Variants in MACF1 observed in about 807,000 individuals in gnomAD.
MACF1 encodes microtubule actin crosslinking factor 1, also known as microtubule-actin cross-linking factor 1.
Under a neutral mutation model 854.8 loss-of-function variants are expected in MACF1, and 193 were observed. That is an observed-to-expected ratio of 0.23 (90% CI 0.20 to 0.25). MACF1 has a LOEUF of 0.25. Among genes scored for constraint, MACF1 ranks in the 10% least tolerant of loss-of-function variants. The pLI, the probability that MACF1 is intolerant of heterozygous loss-of-function variation, is 1.00. For synonymous variants in MACF1, 3,185 were observed against 3,226.7 expected, an observed-to-expected ratio of 0.99 and a Z score of 0.44; for missense variants, 7,722 against 8,929.1, an observed-to-expected ratio of 0.86 and a Z score of 5.45.
intron 44 of MACF1, among the ~76,000 whole-genome samples, chr1:39,354,558 C>T (rs1414048588): frequency 1.3e-5 from 2 of 152,170 alleles, no homozygotes; most frequent in Non-Finnish European, 2.9e-5. Context: ...GCATGTGCCA[C>T]CATGCCTAGC....
At chr1:39,299,883 T>C (rs1406032922) in intron 21 of MACF1, among the ~76,000 whole-genome samples, 1 of 152,262 alleles carries the variant, frequency 6.6e-6, no homozygotes, top group African/African-American at 2.4e-5. Flanking sequence ...CATGTTTAGA[T>C]AGATTTTTTA....
At chr1:39,390,687 A>G (rs1193764910) in intron 58 of MACF1, among the ~76,000 whole-genome samples, 43 of 152,162 alleles carry the variant, frequency 2.8e-4, no homozygotes, top group Admixed American at 2.8e-3. Context: ...AAAAGCAGAG[A>G]CTTTCTTCTA....
At chr1:39,305,782 C>T (rs917916666) in intron 23 of MACF1, among the ~76,000 whole-genome samples, 3 of 152,184 alleles carry the variant, frequency 2.0e-5, no homozygotes, top group Non-Finnish European at 4.4e-5. Context: ...GTTTCTCACA[C>T]ACAGACAGCA....
In MACF1 at chr1:39,435,395, A is replaced by C. The variant is rs375463716; in HGVS notation, c.17785-163A>C. Among the ~76,000 whole-genome samples, 7 of 152,232 alleles carry C rather than the reference A, an allele frequency of 4.6e-5. No homozygotes were observed. The East Asian group carries it at 5.8e-4, about 13-fold the overall frequency. ...TGGGTAATGTCAGAACCTAAGACTT[A>C]GGTGTTTTTCTGTTCCCACACAAAT... On this transcript the variant is annotated intron_variant, in intron 69 of 100. Coordinates refer to ENST00000564288, the MANE Select transcript of MACF1 (RefSeq NM_001394062.1).
At chr1:39,391,270 A>G (rs1642026567) in intron 58 of MACF1, among the ~76,000 whole-genome samples, 1 of 152,188 alleles carries the variant, frequency 6.6e-6, no homozygotes, top group Non-Finnish European at 1.5e-5. Context: ...TACTGTCTAT[A>G]CTATGGTGAT....
chr1:39,236,192 A>G (rs1354572562), intron 2 of MACF1, among the ~76,000 whole-genome samples: 2 of 152,328 alleles, frequency 1.3e-5, no homozygotes, highest in South Asian at 4.1e-4. Context: ...AGAAAAAGGC[A>G]GAACTGAAAT....
rs766626570 is a variant in MACF1 at position 39,285,278 on chromosome 1, T to A, written c.1260-19T>A. On this transcript the variant is annotated intron_variant, in intron 12 of 100. Transcript: ENST00000564288. ...CTGCTGTGAACCTTGCACATGACTA[T>A]GGTTTTATCTTATTTCAGGCTGGAA... 6.2e-7 allele frequency: 1 copy of A among 1,614,198 alleles called. No homozygotes were observed.
At chr1:39,156,758 A>G (rs1643696910) in intron 2 of MACF1, among the ~76,000 whole-genome samples, 1 of 152,196 alleles carries the variant, frequency 6.6e-6, no homozygotes. Context: ...TGTCTAATTT[A>G]CGGTCTTTAA....
In MACF1 at chr1:39,437,790, T is replaced by C. The variant is rs780472708; in HGVS notation, c.18002T>C (p.Ile6001Thr). 5 of 1,612,466 alleles carry C rather than the reference T, an allele frequency of 3.1e-6. No homozygotes were observed. The African/African-American group carries it at 5.3e-5, about 17-fold the overall frequency. The change falls in exon 71 of 101, where the codon ATT becomes ACT. Residue 6001 changes from isoleucine to threonine, a missense_variant. By Grantham distance (89) the Ile-to-Thr change is moderately conservative (BLOSUM62 -1). Transcript: ENST00000564288. The part of the protein sequence containing the change: ...VSQSTQFHDK[I>T]EPMLETLENL... ...ACATTTGTTTAGTTTCATGATAAAA[T>C]TGAGCCTATGTTGGAGACACTGGAG...
intron 6 of MACF1, among the ~76,000 whole-genome samples, chr1:39,261,759 T>C (rs1052957300): frequency 3.3e-5 from 5 of 152,214 alleles, no homozygotes; most frequent in African/African-American, 1.2e-4. Flanking sequence ...AATAAAGTTA[T>C]TTGCATACCA....
In MACF1 at chr1:39,105,910, C is replaced by A. The variant is rs992074624; in HGVS notation, c.220+21472C>A. Among the ~76,000 whole-genome samples the A allele has an allele frequency of 6.6e-6, 1 of 152,188 alleles. No homozygotes were observed. The highest frequency in any genetic ancestry group is 1.5e-5 in the Non-Finnish European group (1 of 68,016). ...GAGATAAGCCTTCGGAAACCGCCCC[C>A]GGGGCAGTCGGCGCGCTCAGAGCGC... is the stretch of plus-strand genomic sequence containing the variant. On this transcript the variant is annotated intron_variant, in intron 2 of 93. Transcript: ENST00000361689. This position sits in a 1 kb window ranked among gnomAD's most constrained non-coding sequence, Gnocchi z 5.9.
At position 39,379,201 on chromosome 1, in the gene MACF1, A is replaced by G; in HGVS notation, c.13277-2A>G. ...ATCTGATTTCTGTTTCTATGATACTAGATCTGACGGAGATCCAGTGTGACA... is the reference window on the plus strand; with the variant it reads ...ATCTGATTTCTGTTTCTATGATACTGGATCTGACGGAGATCCAGTGTGACA... On this transcript the variant is annotated splice_acceptor_variant, in intron 53 of 100. Transcript: ENST00000564288. LOFTEE classifies it high-confidence loss of function. 6.3e-7 allele frequency: 1 copy of G among 1,588,132 alleles called. No individual in the cohort carries two copies. The highest frequency in any genetic ancestry group is 1.2e-5 in the South Asian group (1 of 86,816).
chr1:39,427,888 GTTA>G, intron 62 of MACF1, 70 bp from the exon 63 acceptor site: 1 of 1,170,838 alleles, frequency 8.5e-7, no homozygotes, highest in Non-Finnish European at 1.2e-6. Context: ...TGTATCATTT[GTTA>G]TTCATCATTT....
At chr1:39,106,884 A>G (rs1256974619) in intron 2 of MACF1, among the ~76,000 whole-genome samples, 1 of 151,204 alleles carries the variant, frequency 6.6e-6, no homozygotes, top group East Asian at 2.0e-4. Flanking sequence ...ATGCGAAAAA[A>G]GACCTACTAG....
upstream of MACF1, among the ~76,000 whole-genome samples, chr1:39,199,833 G>T (rs1433353551): frequency 6.6e-6 from 1 of 152,148 alleles, no homozygotes; most frequent in Non-Finnish European, 1.5e-5. Flanking sequence ...GAAGTGCTTT[G>T]TTTCAGAAGA....
chr1:39,131,151 C>CTT (rs34762038), intron 2 of MACF1, among the ~76,000 whole-genome samples: 2,706 of 42,382 alleles, frequency 0.064, 803 homozygotes, highest in Middle Eastern at 0.18. Flanking sequence ...TGCGCCCGGC[C>CTT]TTTTTTTTTT....
intron 47 of MACF1, among the ~76,000 whole-genome samples, chr1:39,359,562 T>C (rs1647880787): frequency 6.6e-6 from 1 of 152,162 alleles, no homozygotes; most frequent in Non-Finnish European, 1.5e-5. Context: ...CCCTGAAGTT[T>C]TTCCTATTGC....
intron 58 of MACF1, among the ~76,000 whole-genome samples, chr1:39,401,521 C>A (rs1642476955): frequency 6.6e-6 from 1 of 152,190 alleles, no homozygotes; most frequent in Admixed American, 6.5e-5. Flanking sequence ...AGATATAATT[C>A]ATCTGTCTGC....
At chr1:39,373,883 G>C (rs1426535153) in intron 52 of MACF1, among the ~76,000 whole-genome samples, 1 of 151,446 alleles carries the variant, frequency 6.6e-6, no homozygotes, top group Non-Finnish European at 1.5e-5. Context: ...ACTTCAAAGG[G>C]GGTACAAAGA....
Sources: allele counts gnomAD v4.1 joint callset (sites outside exome capture counted in the v4.1 genomes callset), GRCh38; gene constraint gnomAD v4.1.1; non-coding constraint Gnocchi (gnomAD v3.1); transcripts MANE v1.5; gene names NCBI Gene and HGNC (gene_info 2026-07-23, HGNC 2026-07-21).